Variants in SH2B3 observed in about 807,000 individuals in gnomAD.
SH2B3 encodes SH2B adaptor protein 3, also known as SH2B adapter protein 3.
Under a neutral mutation model 51.9 loss-of-function variants are expected in SH2B3, and 43 were observed. The observed-to-expected ratio is 0.83, with a 90% CI of 0.65 to 1.07. The LOEUF is 1.07. SH2B3 is among the 50% of genes least tolerant of loss of function. The pLI is 0.00. For missense variants in SH2B3, 952 were observed against 834.3 expected, an observed-to-expected ratio of 1.14 and a Z score of -1.74; for synonymous variants, 396 against 376.0, an observed-to-expected ratio of 1.05 and a Z score of -0.62.
chr12:111,425,152 A>C (rs1302558053), intron 2 of SH2B3, among the ~76,000 whole-genome samples: 1 of 152,046 alleles, frequency 6.6e-6, no homozygotes, highest in Non-Finnish European at 1.5e-5. Flanking sequence ...CCTGTGGAGC[A>C]GGGTGATGGT....
chr12:111,447,900 AG>A, intron 7 of SH2B3, 73 bp downstream of exon 7: 2 of 1,559,866 alleles, frequency 1.3e-6, no homozygotes, highest in Non-Finnish European at 1.8e-6. Flanking sequence ...CTGCAGACCC[AG>A]GGGTACAGGT....
In SH2B3 at chr12:111,446,967, T is replaced by C; in HGVS notation, c.860T>C (p.Phe287Ser). The C allele has an allele frequency of 6.2e-7, 1 of 1,614,052 alleles. No individual in the cohort carries two copies. Among genetic ancestry groups the C allele is most frequent in the Non-Finnish European group, 8.5e-7 (1 of 1,179,966 alleles). Residue 287 changes from phenylalanine (F) to serine (S), a missense_variant, in exon 4 of 8, where the codon TTT becomes TCT. Coordinates refer to ENST00000341259, the MANE Select transcript of SH2B3 (RefSeq NM_005475.3). ...LKVKDRTDII[F>S]EVGDEQQLNS... ...GTGAAGGACCGGACAGACATCATCT[T>C]TGAGGTGGGAGACGAGCAGCAGCTG...
At position 111,449,429 on chromosome 12, in the gene SH2B3, T is replaced by G. The variant is rs937039000; in HGVS notation, c.*1127T>G. 6.6e-6 allele frequency: 1 copy of G among 152,134 alleles called. No individual in the cohort carries two copies. The highest frequency in any genetic ancestry group is 2.4e-5 in the African/African-American group (1 of 41,420). 9.4% of individuals were successfully genotyped at this position (152,134 alleles called of 1,614,324 possible). On this transcript the variant is annotated 3_prime_UTR_variant, in exon 8 of 8. Transcript: ENST00000341259. ...TCTGGTGCCATAACTAATGAGAAAC[T>G]CCTTTAATAGCCCACAATCAGTGTT...
chr12:111,408,939 TTA>T (rs1870461302), intron 1 of SH2B3, among the ~76,000 whole-genome samples: 1 of 152,334 alleles, frequency 6.6e-6, no homozygotes, highest in Non-Finnish European at 1.5e-5. Flanking sequence ...TGGCACTCAA[TTA>T]ACAATAGTAG....
rs1870499533 is a variant in SH2B3 at position 111,409,358 on chromosome 12, G to A, written c.-28+3081G>A. 6.6e-6 allele frequency among the ~76,000 whole-genome samples: 1 copy of A among 152,244 alleles called. No individual in the cohort carries two copies. Among genetic ancestry groups the A allele is most frequent in the Admixed American group, 6.5e-5 (1 of 15,284 alleles). On this transcript the variant is annotated intron_variant, in intron 1 of 7. Transcript: ENST00000341259. This position sits in a 1 kb window ranked among gnomAD's most constrained non-coding sequence, Gnocchi z 4.0. ...TGGCACTCAATAAGTGCAAGCCATT[G>A]CTGTTCATGCCCAATAGGGGCTGGC...
Position 111,438,247 on chromosome 12 carries a change from G to T in SH2B3, c.733-8506G>T, listed in dbSNP as rs1013016616. Among the ~76,000 whole-genome samples the T allele has an allele frequency of 2.0e-5, 3 of 152,144 alleles. No individual in the cohort carries two copies. Among genetic ancestry groups the T allele is most frequent in the African/African-American group, 7.2e-5 (3 of 41,422 alleles). On this transcript the variant is annotated intron_variant, in intron 2 of 7. Coordinates refer to ENST00000341259, the MANE Select transcript of SH2B3 (RefSeq NM_005475.3). This position sits in a 1 kb window ranked among gnomAD's most constrained non-coding sequence, Gnocchi z 4.2. Reference sequence around the variant, plus strand: ...CTGGGGCTGGGGGTGGGCAGATGAGGATTGGAGCCCTGGCTCAACTTCGCT... The same window carrying T: ...CTGGGGCTGGGGGTGGGCAGATGAGTATTGGAGCCCTGGCTCAACTTCGCT...
In SH2B3 at chr12:111,418,274, C is replaced by T; in HGVS notation, c.129C>T (p.Arg43=). ...HAVAAARELA[R]QYWLFAREHP... ...TAGCGGCGGCCCGGGAGCTGGCCCG[C>T]CAGTACTGGCTGTTCGCCCGGGAGC... Residue 43 remains arginine (R), a synonymous_variant, in exon 2 of 8, where the codon CGC becomes CGT. Coordinates refer to ENST00000341259, the MANE Select transcript of SH2B3 (RefSeq NM_005475.3). The surrounding 1 kb of genome is among the most constrained non-coding windows in gnomAD (Gnocchi z 6.7). 1.3e-6 allele frequency: 2 copies of T among 1,540,362 alleles called. No homozygotes were observed. Among genetic ancestry groups the T allele is most frequent in the Non-Finnish European group, 1.7e-6 (2 of 1,150,402 alleles).
In SH2B3 at chr12:111,448,042, C is replaced by T. The variant is rs760204882; in HGVS notation, c.1468C>T (p.Pro490Ser). The T allele has an allele frequency of 6.2e-7, 1 of 1,613,940 alleles. No homozygotes were observed. The highest frequency in any genetic ancestry group is 8.5e-7 in the Non-Finnish European group (1 of 1,179,894). The change falls in exon 8 of 8, where the codon CCT becomes TCT. Residue 490 changes from proline (P) to serine (S), a missense_variant. Coordinates refer to ENST00000341259, the MANE Select transcript of SH2B3 (RefSeq NM_005475.3). ...TCCTCACTGGGATTCAGAGTCCCTT[C>T]CTCACTGGGGTTCAGAGTTGGGCCT... ...SLPHWDSESL[P>S]HWGSELGLPH...
chr12:111,418,444 C>G lies in SH2B3; in HGVS notation c.299C>G (p.Ala100Gly). ...RDTGRGPPAK[A>G]EASPEPGPGP... ...ACAGGCCGTGGGCCCCCAGCCAAGG[C>G]CGAGGCGTCCCCGGAGCCAGGCCCC... Residue 100 changes from alanine to glycine, a missense_variant, in exon 2 of 8, where the codon GCC (alanine) becomes GGC (glycine). Coordinates refer to ENST00000341259, the MANE Select transcript of SH2B3 (RefSeq NM_005475.3). The surrounding 1 kb of genome is among the most constrained non-coding windows in gnomAD (Gnocchi z 6.7). 7.0e-7 allele frequency: 1 copy of G among 1,418,706 alleles called. No individual in the cohort carries two copies. The highest frequency in any genetic ancestry group is 9.2e-7 in the Non-Finnish European group (1 of 1,091,974). The allele number at this position is 1,418,706 out of a possible 1,614,324, so 87.9% of individuals were successfully genotyped here. A position where few individuals can be genotyped will look rare whatever the true frequency, so the allele number is the denominator to read the frequency against.
At chr12:111,405,696 CT>C (rs1470689017), upstream of SH2B3, among the ~76,000 whole-genome samples, 2 of 152,220 alleles carry the variant, frequency 1.3e-5, no homozygotes, top group African/African-American at 4.8e-5. This position sits in a 1 kb window ranked among gnomAD's most constrained non-coding sequence, Gnocchi z 5.4. Context: ...AAGGCCTCGC[CT>C]TTTTCCGGAC....
Position 111,429,623 on chromosome 12 carries a change from C to T in SH2B3, c.732+10746C>T, listed in dbSNP as rs1872298004. On this transcript the variant is annotated intron_variant, in intron 2 of 7. Coordinates refer to ENST00000341259, the MANE Select transcript of SH2B3 (RefSeq NM_005475.3). This position sits in a 1 kb window ranked among gnomAD's most constrained non-coding sequence, Gnocchi z 4.4. ...TGCTAGGATTACAGGCGTGAGCTAC[C>T]GCGCCCGGCCCATTTTTATTAATTG... Among the ~76,000 whole-genome samples, 2 of 152,232 alleles carry T rather than the reference C, an allele frequency of 1.3e-5. No individual in the cohort carries two copies. Among genetic ancestry groups the T allele is most frequent in the Non-Finnish European group, 2.9e-5 (2 of 68,040 alleles).
Position 111,438,014 on chromosome 12 carries a change from C to T in SH2B3, c.733-8739C>T, listed in dbSNP as rs917472865. On this transcript the variant is annotated intron_variant, in intron 2 of 7. Transcript: ENST00000341259. This position sits in a 1 kb window ranked among gnomAD's most constrained non-coding sequence, Gnocchi z 4.2. ...AGTTGCGTCATCAGGAAACCATGGCCGGTTCGATAAGCTCAGTGCTGAGGG... is the reference window on the plus strand; with the variant it reads ...AGTTGCGTCATCAGGAAACCATGGCTGGTTCGATAAGCTCAGTGCTGAGGG... 2.0e-5 allele frequency among the ~76,000 whole-genome samples: 3 copies of T among 152,174 alleles called. No homozygotes were observed. The highest frequency in any genetic ancestry group is 4.8e-5 in the African/African-American group (2 of 41,434).
chr12:111,446,777 G>A lies in SH2B3; in HGVS notation c.757G>A (p.Ala253Thr), dbSNP rs140392639. The change falls in exon 3 of 8, where the codon GCT becomes ACT. Residue 253 changes from alanine to threonine, a missense_variant. By Grantham distance (58) the Ala-to-Thr change is moderately conservative. Coordinates refer to ENST00000341259, the MANE Select transcript of SH2B3 (RefSeq NM_005475.3). ...GAGTTCAAGGCCCAAGCTACAAGCA[G>A]CTTGCTCCAGCATCCAGGAGGTCCG... ...PKSSRPKLQA[A>T]CSSIQEVRWC... The A allele has an allele frequency of 9.7e-6, 15 of 1,553,738 alleles. No homozygotes were observed. In the African/African-American group the frequency reaches 1.8e-4, roughly 18 times the overall value.
At chr12:111,419,982 A>G (rs1054115104) in intron 2 of SH2B3, among the ~76,000 whole-genome samples, 22 of 152,302 alleles carry the variant, frequency 1.4e-4, no homozygotes, top group African/African-American at 5.3e-4. Context: ...GATTTTGTAC[A>G]ATGTCCAGGG....
rs2135533061 is a variant in SH2B3, at chr12:111,410,141, CAG to C, written c.-28+3865_-28+3866del. On this transcript the variant is annotated intron_variant, in intron 1 of 7. Transcript: ENST00000341259. This position sits in a 1 kb window ranked among gnomAD's most constrained non-coding sequence, Gnocchi z 4.9. ...AGGAAGGAAGTCTATGCCCTCCTCA[CAG>C]GGGCTGACTCACAGGCGCCCAATGG... Among the ~76,000 whole-genome samples the C allele has an allele frequency of 6.6e-6, 1 of 152,306 alleles. No individual in the cohort carries two copies. Among genetic ancestry groups the C allele is most frequent in the African/African-American group, 2.4e-5 (1 of 41,570 alleles).
rs897488368 is a variant in SH2B3 at position 111,438,195 on chromosome 12, C to T, written c.733-8558C>T. ...GGGGAAGGTGTGGGCGGGAAGGCGG[C>T]TGGAGGGAGACCAGGTGTTGGGGGT... is the stretch of plus-strand genomic sequence containing the variant. On this transcript the variant is annotated intron_variant, in intron 2 of 7. Transcript: ENST00000341259. This position sits in a 1 kb window ranked among gnomAD's most constrained non-coding sequence, Gnocchi z 4.2. Among the ~76,000 whole-genome samples, 4 of 151,326 alleles carry T rather than the reference C, an allele frequency of 2.6e-5. No individual in the cohort carries two copies. Among genetic ancestry groups the T allele is most frequent in the Admixed American group, 1.3e-4 (2 of 15,188 alleles).
chr12:111,419,892 C>A (rs1871400039), intron 2 of SH2B3, among the ~76,000 whole-genome samples: 1 of 152,210 alleles, frequency 6.6e-6, no homozygotes. Context: ...CGTTACGTCT[C>A]CTTAGGCGCC....
chr12:111,408,733 C>T (rs892281375), intron 1 of SH2B3, among the ~76,000 whole-genome samples: 9 of 152,174 alleles, frequency 5.9e-5, no homozygotes, highest in African/African-American at 2.2e-4. Flanking sequence ...GCTCCTTTTG[C>T]TGGAAACACC....
At position 111,447,499 on chromosome 12, in the gene SH2B3, G is replaced by T; in HGVS notation, c.1191G>T (p.Arg397=). Residue 397 remains arginine (R), a synonymous_variant, in exon 6 of 8, where the codon CGG becomes CGT. Transcript: ENST00000341259. Reference sequence around the variant, plus strand: ...TCCTGGTGCGGCAGAGCGAGACGCGGCGTGGGGAATACGTGCTCACTTTCA... The same window carrying T: ...TCCTGGTGCGGCAGAGCGAGACGCGTCGTGGGGAATACGTGCTCACTTTCA... ...GVFLVRQSET[R]RGEYVLTFNF... 6.2e-7 allele frequency: 1 copy of T among 1,611,394 alleles called. No individual in the cohort carries two copies.
Sources: gnomAD v4.1 joint callset for allele counts (sites outside exome capture counted in the v4.1 genomes callset) on GRCh38, gnomAD v4.1.1 for gene constraint, Gnocchi (gnomAD v3.1) non-coding constraint, MANE v1.5 for transcripts, NCBI Gene and HGNC (gene_info 2026-07-23, HGNC 2026-07-21) for gene names.